Variants in DLGAP2 observed in about 807,000 individuals in gnomAD.
The protein encoded by DLGAP2 is disks large-associated protein 2.
Under a neutral mutation model 100.3 loss-of-function variants are expected in DLGAP2, and 26 were observed. That is an observed-to-expected ratio of 0.26 (90% CI 0.19 to 0.36). The LOEUF (loss-of-function observed/expected upper bound fraction) is 0.36. Ranked by LOEUF, DLGAP2 falls within the 10% of genes least tolerant of loss-of-function variation. DLGAP2 has a pLI of 1.00. For synonymous variants in DLGAP2, 886 were observed against 630.1 expected (o/e 1.41, Z -6.08); for missense variants, 1,858 against 1,453.2 (o/e 1.28, Z -4.53).
chr8:1,378,598 T>A (rs1416329129), intron 3 of DLGAP2, among the ~76,000 whole-genome samples: 1 of 135,860 alleles, frequency 7.4e-6, no homozygotes, highest in African/African-American at 2.8e-5. Flanking sequence ...TCCATCCTGC[T>A]CACACCTGGC....
intron 3 of DLGAP2, among the ~76,000 whole-genome samples, chr8:1,382,924 C>CGTGT (rs148803226): frequency 6.6e-6 from 1 of 150,836 alleles, no homozygotes; most frequent in African/African-American, 2.4e-5. Context: ...TGTGTGTGTG[C>CGTGT]GTGTGTGTGT....
intron 2 of DLGAP2, among the ~76,000 whole-genome samples, chr8:1,219,804 T>C (rs191495644): frequency 1.3e-5 from 2 of 152,286 alleles, no homozygotes; most frequent in East Asian, 3.9e-4. Flanking sequence ...TATTGGTCTG[T>C]TCAGGATTTC....
In DLGAP2 at chr8:914,460, G is replaced by A. The variant is rs111778546; in HGVS notation, c.73+6494G>A. On this transcript the variant is annotated intron_variant, in intron 2 of 14. Transcript: ENST00000637795. ...AATTCCTGCTAGAACAAGGGGGTGTGGATCAATAGTGTTGGGACCACAGGT... is the reference window on the plus strand; with the variant it reads ...AATTCCTGCTAGAACAAGGGGGTGTAGATCAATAGTGTTGGGACCACAGGT... Among the ~76,000 whole-genome samples, 1,231 of 152,174 alleles carry A rather than the reference G, an allele frequency of 8.1e-3. 17 individuals are homozygous for A. Among genetic ancestry groups the A allele is most frequent in the African/African-American group, 0.028 (1,172 of 41,496 alleles).
At chr8:1,069,853 G>A (rs981651785) in intron 2 of DLGAP2, among the ~76,000 whole-genome samples, 8 of 152,140 alleles carry the variant, frequency 5.3e-5, no homozygotes, top group East Asian at 3.9e-4. Flanking sequence ...GCTGCCTCAC[G>A]TCTGCGGAAG....
At chr8:1,071,122 G>T (rs747198379) in intron 2 of DLGAP2, among the ~76,000 whole-genome samples, 1 of 152,212 alleles carries the variant, frequency 6.6e-6, no homozygotes, top group African/African-American at 2.4e-5. Flanking sequence ...TCCTCCCACG[G>T]ATTTGCAGCT....
intron 2 of DLGAP2, among the ~76,000 whole-genome samples, chr8:1,121,272 C>G (rs922418315): frequency 1.3e-5 from 2 of 151,452 alleles, no homozygotes; most frequent in African/African-American, 2.4e-5. Context: ...GAACCCATGA[C>G]CTCCCATCCT....
At chr8:1,332,359 CTG>C (rs747340011) in intron 3 of DLGAP2, among the ~76,000 whole-genome samples, 74 of 151,962 alleles carry the variant, frequency 4.9e-4, no homozygotes, top group African/African-American at 1.2e-3. Context: ...GTGTATACAT[CTG>C]TGTACACATA....
At chr8:1,177,235 G>T (rs1797280131) in intron 2 of DLGAP2, among the ~76,000 whole-genome samples, 1 of 152,108 alleles carries the variant, frequency 6.6e-6, no homozygotes, top group African/African-American at 2.4e-5. Context: ...CTTGTGTCCT[G>T]TGATTGTGCT....
chr8:748,646 C>T (rs768052182), intron 1 of DLGAP2, among the ~76,000 whole-genome samples: 4 of 152,146 alleles, frequency 2.6e-5, no homozygotes, highest in South Asian at 2.1e-4. Flanking sequence ...GACATCCAGC[C>T]CTGCGGTGCT....
intron 3 of DLGAP2, among the ~76,000 whole-genome samples, chr8:1,271,563 A>G (rs932048175): frequency 2.0e-5 from 3 of 152,228 alleles, no homozygotes; most frequent in Non-Finnish European, 4.4e-5. Flanking sequence ...TGAAAATTCA[A>G]TCAGTAGTTG....
rs146655070 is a variant in DLGAP2 at position 1,448,134 on chromosome 8, G to C, written c.107-53232G>C. 3.3e-4 allele frequency among the ~76,000 whole-genome samples: 50 copies of C among 152,250 alleles called. 1 individual carries two copies. The highest frequency in any genetic ancestry group is 1.2e-3 in the African/African-American group (50 of 41,536). ...TATTTCTTGCCTTCTGCTAGCTTTTGAATGTGTTCGCTCTTGCTTTTCTAG... is the reference window on the plus strand; with the variant it reads ...TATTTCTTGCCTTCTGCTAGCTTTTCAATGTGTTCGCTCTTGCTTTTCTAG... On this transcript the variant is annotated intron_variant, in intron 3 of 14. Coordinates refer to ENST00000637795, the MANE Select transcript of DLGAP2 (RefSeq NM_001346810.2).
chr8:1,039,659 TGGGTGG>T (rs1563158901), intron 2 of DLGAP2, among the ~76,000 whole-genome samples: 1,236 of 52,478 alleles, frequency 0.024, 289 homozygotes, highest in African/African-American at 0.038. Context: ...CAGCTCGGTG[TGGGTGG>T]TCAGCTCGGT....
intron 2 of DLGAP2, among the ~76,000 whole-genome samples, chr8:1,255,227 T>A (rs1173280826): frequency 3.6e-5 from 3 of 83,192 alleles, no homozygotes; most frequent in Non-Finnish European, 4.3e-5. Context: ...CCTGCCTGGG[T>A]GCTGTGTGTG....
chr8:1,326,436 G>A (rs967311316), intron 3 of DLGAP2, among the ~76,000 whole-genome samples: 2 of 152,028 alleles, frequency 1.3e-5, no homozygotes, highest in East Asian at 3.9e-4. Flanking sequence ...TGTAAGGAAA[G>A]GAGCTCTGGG....
chr8:1,586,624 C>T (rs1358231918), intron 6 of DLGAP2, among the ~76,000 whole-genome samples: 1 of 152,178 alleles, frequency 6.6e-6, no homozygotes, highest in East Asian at 1.9e-4. Flanking sequence ...AGATGTGGCA[C>T]CAGCGTGGAA....
At chr8:1,275,197 A>T (rs543538281) in intron 3 of DLGAP2, among the ~76,000 whole-genome samples, 6 of 152,186 alleles carry the variant, frequency 3.9e-5, no homozygotes, top group African/African-American at 7.2e-5. Context: ...CCTGATCCCA[A>T]TGTTAAGGGG....
chr8:1,065,361 A>G (rs766726484), intron 2 of DLGAP2, among the ~76,000 whole-genome samples: 1 of 152,256 alleles, frequency 6.6e-6, no homozygotes, highest in Non-Finnish European at 1.5e-5. Flanking sequence ...TCACATTTTC[A>G]TTTAGAGAAC....
At chr8:1,372,190 G>A (rs1239802236) in intron 3 of DLGAP2, among the ~76,000 whole-genome samples, 2 of 151,278 alleles carry the variant, frequency 1.3e-5, no homozygotes, top group East Asian at 3.9e-4. Flanking sequence ...CAACGCTGGG[G>A]CGCAGGTCAC....
At position 1,643,473 on chromosome 8, in the gene DLGAP2, C is replaced by T. The variant is rs1456381158; in HGVS notation, c.1810+10427C>T. On this transcript the variant is annotated intron_variant, in intron 8 of 14. Transcript: ENST00000637795. ...TCACCCTGGAACCCGCCGGTCCTCA[C>T]CTGTGTCACCCTCGAACCCGCCGGT... is the stretch of plus-strand genomic sequence containing the variant. Among the ~76,000 whole-genome samples the T allele has an allele frequency of 1.6e-4, 5 of 32,048 alleles. 1 individual carries two copies. The African/African-American group carries it at 1.6e-3, about 10-fold the overall frequency. The allele number at this position is 32,048 out of a possible 152,430, so 21.0% of individuals were successfully genotyped here.
Sources: allele counts gnomAD v4.1 joint callset (sites outside exome capture counted in the v4.1 genomes callset), GRCh38; gene constraint gnomAD v4.1.1; transcripts MANE v1.5; gene names NCBI Gene and HGNC (gene_info 2026-07-23, HGNC 2026-07-21).